Variants in NALCN observed in about 807,000 individuals in gnomAD.
NALCN encodes the protein sodium leak channel NALCN.
In NALCN, 111 loss-of-function variants were observed where a neutral mutation model predicts 225.3. The ratio of observed to expected loss-of-function variants is 0.49; its 90% CI spans 0.42 to 0.58. The LOEUF (loss-of-function observed/expected upper bound fraction) is 0.58. Among genes scored for constraint, NALCN ranks in the 20% least tolerant of loss-of-function variants. NALCN has a pLI of 0.00. For synonymous variants in NALCN, 764 were observed against 769.0 expected, an observed-to-expected ratio of 0.99 and a Z score of 0.11; for missense variants, 1,378 against 2,202.4, an observed-to-expected ratio of 0.63 and a Z score of 7.49.
rs1270764604 is a variant in NALCN, at chr13:101,062,135, A to T, written c.4605-17T>A. The T allele has an allele frequency of 1.2e-6, 2 of 1,613,212 alleles. No individual in the cohort carries two copies. Among genetic ancestry groups the T allele is most frequent in the Admixed American group, 3.3e-5 (2 of 59,932 alleles). On this transcript the variant is annotated splice_polypyrimidine_tract_variant and intron_variant, in intron 40 of 43. Transcript: ENST00000251127. The stretch of plus-strand genomic sequence containing the variant: ...GAAAGCATGCTGGTGGGAGAAACAC[A>T]CCTGCAATCGCAGCTCTGATTCACC...
chr13:101,165,339 T>C (rs1315066166), intron 15 of NALCN, among the ~76,000 whole-genome samples: 1 of 152,210 alleles, frequency 6.6e-6, no homozygotes, highest in African/African-American at 2.4e-5. Flanking sequence ...CTCTGTATCA[T>C]CGAAGGCCCT....
At chr13:101,182,622 G>A (rs556156514) in intron 14 of NALCN, among the ~76,000 whole-genome samples, 45 of 152,240 alleles carry the variant, frequency 3.0e-4, no homozygotes, top group African/African-American at 4.8e-4. Context: ...TTGGGTTTCC[G>A]CTGAAGCCCT....
chr13:101,243,845 C>A lies in NALCN; in HGVS notation c.1267-5923G>T, dbSNP rs1404143366. On this transcript the variant is annotated intron_variant, in intron 11 of 43. Transcript: ENST00000251127. Reference sequence around the variant, plus strand: ...ACCACAAGCAGCATACAGGCAGGTCCAGCTCCTCTGCGGGAAATGAAAGGC... The same window carrying A: ...ACCACAAGCAGCATACAGGCAGGTCAAGCTCCTCTGCGGGAAATGAAAGGC... Among the ~76,000 whole-genome samples, 3 of 104,408 alleles carry A rather than the reference C, an allele frequency of 2.9e-5. 1 individual carries two copies. Among genetic ancestry groups the A allele is most frequent in the African/African-American group, 1.0e-4 (3 of 29,020 alleles). 68.5% of individuals were successfully genotyped at this position (104,408 alleles called of 152,430 possible).
At chr13:101,332,416 A>AAAAAAAG (rs1566585402) in intron 7 of NALCN, among the ~76,000 whole-genome samples, 1 of 149,138 alleles carries the variant, frequency 6.7e-6, no homozygotes, top group African/African-American at 2.5e-5. Flanking sequence ...AAAAAAAAAA[A>AAAAAAAG]AAAAGGAAAG....
chr13:101,074,373 G>C, intron 36 of NALCN, 141 bp downstream of exon 36: 3 of 675,170 alleles, frequency 4.4e-6, no homozygotes, highest in Non-Finnish European at 6.4e-6. Context: ...TTAAAACTTG[G>C]CTATTTTATT....
At chr13:101,235,159 A>C (rs1048564409) in intron 12 of NALCN, among the ~76,000 whole-genome samples, 1 of 151,898 alleles carries the variant, frequency 6.6e-6, no homozygotes, top group African/African-American at 2.4e-5. Flanking sequence ...GTTATAAAAA[A>C]CTCATCACAA....
At chr13:101,178,282 A>T (rs1482084859) in intron 14 of NALCN, among the ~76,000 whole-genome samples, 3 of 152,048 alleles carry the variant, frequency 2.0e-5, no homozygotes, top group African/African-American at 2.4e-5. Flanking sequence ...TGGGCACTGG[A>T]GCAGGCATTG....
intron 40 of NALCN, 131 bp from the exon 41 acceptor site, chr13:101,062,249 C>T: frequency 9.8e-7 from 1 of 1,021,776 alleles, no homozygotes; most frequent in Non-Finnish European, 1.4e-6. Context: ...CCCTCGCCAC[C>T]CGCATGTCTT....
chr13:101,222,088 C>T (rs568441406), intron 13 of NALCN, among the ~76,000 whole-genome samples: 2 of 152,226 alleles, frequency 1.3e-5, no homozygotes, highest in East Asian at 3.9e-4. Context: ...CATAATCAGG[C>T]CCTTGGACTA....
chr13:101,254,203 C>A (rs150809363), intron 11 of NALCN, among the ~76,000 whole-genome samples: 1 of 151,380 alleles, frequency 6.6e-6, no homozygotes, highest in Non-Finnish European at 1.5e-5. Flanking sequence ...GCTAACATGG[C>A]GAAACCCCAT....
chr13:101,233,416 CT>C (rs2041428756), intron 12 of NALCN, among the ~76,000 whole-genome samples: 1 of 151,314 alleles, frequency 6.6e-6, no homozygotes, highest in Non-Finnish European at 1.5e-5. Flanking sequence ...TCTCAGCTCA[CT>C]GCAAGCTCCA....
At chr13:101,159,946 T>TA (rs879541305) in intron 15 of NALCN, among the ~76,000 whole-genome samples, 29 of 149,226 alleles carry the variant, frequency 1.9e-4, no homozygotes, top group Non-Finnish European at 3.7e-4. Context: ...TTTGTTATTT[T>TA]TTGTTATTTT....
intron 7 of NALCN, among the ~76,000 whole-genome samples, chr13:101,324,404 T>C (rs1342733763): frequency 1.3e-5 from 2 of 152,230 alleles, no homozygotes; most frequent in Non-Finnish European, 2.9e-5. Context: ...ACACAATAAA[T>C]ATATTTTAAG....
chr13:101,250,995 C>CA (rs558292799), intron 11 of NALCN, among the ~76,000 whole-genome samples: 3 of 151,424 alleles, frequency 2.0e-5, no homozygotes. Flanking sequence ...AAATCCTGAA[C>CA]AAAAAAAAGT....
chr13:101,269,242 T>TATATATATATATA, intron 10 of NALCN, among the ~76,000 whole-genome samples: 1 of 141,928 alleles, frequency 7.0e-6, no homozygotes, highest in African/African-American at 2.6e-5. Flanking sequence ...ATATATATAT[T>TATATATATATATA]TTAGCCTGGT....
At chr13:101,379,823 T>C (rs2046799662) in intron 3 of NALCN, among the ~76,000 whole-genome samples, 2 of 152,038 alleles carry the variant, frequency 1.3e-5, no homozygotes, top group African/African-American at 4.8e-5. Flanking sequence ...GTAACAAAAC[T>C]GCACATTCTG....
intron 15 of NALCN, among the ~76,000 whole-genome samples, chr13:101,153,333 G>A (rs574369360): frequency 1.7e-3 from 255 of 152,274 alleles, no homozygotes; most frequent in Non-Finnish European, 2.9e-3. Flanking sequence ...TGCTCTACAG[G>A]AGGAGGACTT....
chr13:101,097,010 G>C (rs1439724039), intron 27 of NALCN, among the ~76,000 whole-genome samples: 9 of 149,374 alleles, frequency 6.0e-5, no homozygotes. Context: ...CAGCATCCCA[G>C]CAGAAGCCCA....
At chr13:101,078,092 G>A (rs1253345120) in intron 34 of NALCN, among the ~76,000 whole-genome samples, 1 of 152,234 alleles carries the variant, frequency 6.6e-6, no homozygotes, top group African/African-American at 2.4e-5. Flanking sequence ...TGAGGTTTGG[G>A]AACCTCTGCC....
Sources: allele counts gnomAD v4.1 joint callset (sites outside exome capture counted in the v4.1 genomes callset), GRCh38; gene constraint gnomAD v4.1.1; transcripts MANE v1.5; gene names NCBI Gene and HGNC (gene_info 2026-07-23, HGNC 2026-07-21).